TXNRD2: variants seen among roughly 807,000 people sequenced by gnomAD.
The protein encoded by TXNRD2 is thioredoxin reductase 2, also known as thioredoxin reductase 2, mitochondrial.
TXNRD2 carries 67 observed loss-of-function variants against 70.8 expected under a neutral mutation model. The ratio of observed to expected loss-of-function variants is 0.95; its 90% confidence interval spans 0.78 to 1.16. The LOEUF (loss-of-function observed/expected upper bound fraction) is 1.16. TXNRD2 is among the 50% of genes most tolerant of loss of function. TXNRD2 has a pLI of 0.00. For missense variants in TXNRD2, 644 were observed against 719.9 expected, an observed-to-expected ratio of 0.89 and a Z score of 1.21; for synonymous variants, 301 against 295.8, an observed-to-expected ratio of 1.02 and a Z score of -0.18.
At chr22:19,934,566 CTTTTT>C (rs199827549) in intron 1 of TXNRD2, among the ~76,000 whole-genome samples, 2 of 141,892 alleles carry the variant, frequency 1.4e-5, no homozygotes, top group Admixed American at 1.4e-4. Flanking sequence ...ATACTTTTTT[CTTTTT>C]TTTTTTTTTG....
intron 8 of TXNRD2, among the ~76,000 whole-genome samples, chr22:19,906,637 G>C (rs1241519150): frequency 1.3e-5 from 2 of 151,512 alleles, no homozygotes; most frequent in Non-Finnish European, 2.9e-5. Context: ...TAAAAAAACA[G>C]ATAACCCAGA....
At chr22:19,915,880 T>G (rs1318533159) in intron 5 of TXNRD2, 37 bp from the exon 6 acceptor site, 3 of 1,586,210 alleles carry the variant, frequency 1.9e-6, no homozygotes, top group Non-Finnish European at 2.6e-6. Flanking sequence ...ACACTTCCTC[T>G]GCAAATTAAA....
chr22:19,920,619 C>G (rs1210620552), intron 2 of TXNRD2, among the ~76,000 whole-genome samples: 1 of 151,368 alleles, frequency 6.6e-6, no homozygotes, highest in Non-Finnish European at 1.5e-5. Context: ...AAAACATTAG[C>G]TAGGGCTAAT....
At position 19,919,559 on chromosome 22, in the gene TXNRD2, C is replaced by T. The variant is rs1329615310; in HGVS notation, c.213G>A (p.Val71=). 3.8e-6 allele frequency: 6 copies of T among 1,562,718 alleles called. No individual in the cohort carries two copies. Among genetic ancestry groups the T allele is most frequent in the South Asian group, 1.2e-5 (1 of 84,598 alleles). Residue 71 remains valine, a synonymous_variant, in exon 3 of 18, where the codon GTG becomes GTA. Coordinates refer to ENST00000400521, the MANE Select transcript of TXNRD2 (RefSeq NM_006440.5). The part of the protein sequence containing the change: ...LGRKVAVVDY[V]EPSPQGTRWG... ...GCTGCCTACCTTGGGGAGAAGGTTC[C>T]ACGTAGTCCACCACGGCCACCTTCC... is the stretch of plus-strand genomic sequence containing the variant.
chr22:19,897,952 C>T, intron 10 of TXNRD2, 87 bp downstream of exon 10: 1 of 1,086,772 alleles, frequency 9.2e-7, no homozygotes, highest in African/African-American at 1.6e-5. Context: ...ACTCGTGGCC[C>T]ATGACTGCAC....
intron 1 of TXNRD2, among the ~76,000 whole-genome samples, chr22:19,940,144 C>A (rs1941654364): frequency 6.8e-6 from 1 of 146,230 alleles, no homozygotes. Context: ...ACTCGGGAGG[C>A]TGAGGCAGGA....
At chr22:19,912,316 G>C (rs7410379) in intron 7 of TXNRD2, among the ~76,000 whole-genome samples, 61 of 152,222 alleles carry the variant, frequency 4.0e-4, no homozygotes, top group African/African-American at 1.4e-3. Flanking sequence ...CAATCAAAGG[G>C]ACTAAAACGC....
intron 1 of TXNRD2, among the ~76,000 whole-genome samples, chr22:19,935,281 G>T (rs1049141065): frequency 6.6e-6 from 1 of 152,174 alleles, no homozygotes; most frequent in African/African-American, 2.4e-5. Flanking sequence ...ATGCGGTTGA[G>T]ATAAGGACTG....
intron 11 of TXNRD2, among the ~76,000 whole-genome samples, chr22:19,890,706 G>A (rs1254898465): frequency 1.3e-5 from 2 of 152,212 alleles, no homozygotes. Context: ...TCCCCAGCTT[G>A]GTTCTTGCTT....
intron 2 of TXNRD2, among the ~76,000 whole-genome samples, chr22:19,927,314 C>G (rs1050261443): frequency 4.0e-5 from 6 of 151,800 alleles, no homozygotes; most frequent in Non-Finnish European, 7.4e-5. Context: ...TATATATTAT[C>G]TCTCCATATC....
chr22:19,909,610 CA>C (rs1251576953), intron 8 of TXNRD2, among the ~76,000 whole-genome samples: 9,503 of 123,762 alleles, frequency 0.077, 475 homozygotes, highest in East Asian at 0.15. Flanking sequence ...CTCACACACA[CA>C]CACCACACAC....
At position 19,916,055 on chromosome 22, in the gene TXNRD2, ATG is replaced by A. The variant is rs150892214; in HGVS notation, c.450-214_450-213del. The A allele has an allele frequency of 9.6e-4, 537 of 560,924 alleles. 3 individuals are homozygous for A. The highest frequency in any genetic ancestry group is 9.1e-3 in the African/African-American group (485 of 53,064). The allele number at this position is 560,924 out of a possible 1,614,324, so 34.7% of individuals were successfully genotyped here. ...CCTGTCCCCCAGGGATCCCAGGGAC[ATG>A]TTAACCACAGGTGTCAAAGCAGGGA... On this transcript the variant is annotated intron_variant, in intron 5 of 17. Coordinates refer to ENST00000400521, the MANE Select transcript of TXNRD2 (RefSeq NM_006440.5).
At chr22:19,928,507 T>C (rs1464238571) in intron 2 of TXNRD2, among the ~76,000 whole-genome samples, 1 of 152,110 alleles carries the variant, frequency 6.6e-6, no homozygotes, top group Non-Finnish European at 1.5e-5. Context: ...TATACGCAAT[T>C]ATAGAAAATG....
rs1158625236 is a variant in TXNRD2 at position 19,941,687 on chromosome 22, C to T, written c.103+14G>A. 2.7e-6 allele frequency: 4 copies of T among 1,476,734 alleles called. No homozygotes were observed. Among genetic ancestry groups the T allele is most frequent in the African/African-American group, 1.5e-5 (1 of 67,982 alleles). 91.5% of individuals were successfully genotyped at this position (1,476,734 alleles called of 1,614,324 possible). On this transcript the variant is annotated intron_variant, in intron 1 of 17. Transcript: ENST00000400521. ...GCGGACACCTACCGCGGGGACGCCC[C>T]GACCCCATCCTACCTGCTGCGCCCC...
At chr22:19,918,664 C>G (rs1940746341) in intron 4 of TXNRD2, among the ~76,000 whole-genome samples, 196 bp downstream of exon 4, 1 of 152,216 alleles carries the variant, frequency 6.6e-6, no homozygotes, top group Admixed American at 6.5e-5. Flanking sequence ...GGGGAGCAAA[C>G]CCTTCCCCAG....
chr22:19,917,199 C>T (rs561812232), intron 5 of TXNRD2, among the ~76,000 whole-genome samples: 2 of 152,182 alleles, frequency 1.3e-5, no homozygotes, highest in Non-Finnish European at 2.9e-5. Context: ...AGGCAGTGGG[C>T]TGGGCCTGTT....
At chr22:19,934,240 G>A (rs1321484842) in intron 1 of TXNRD2, among the ~76,000 whole-genome samples, 1 of 152,156 alleles carries the variant, frequency 6.6e-6, no homozygotes, top group South Asian at 2.1e-4. Context: ...TACTCTAAAA[G>A]GAGAAACTGC....
intron 5 of TXNRD2, among the ~76,000 whole-genome samples, chr22:19,916,833 T>C (rs1569099985): frequency 6.6e-6 from 1 of 151,844 alleles, no homozygotes. Context: ...GGTCTCCAAC[T>C]CCTGGGCTCA....
At chr22:19,938,652 CT>C (rs1289222113) in intron 1 of TXNRD2, among the ~76,000 whole-genome samples, 1 of 152,144 alleles carries the variant, frequency 6.6e-6, no homozygotes, top group Non-Finnish European at 1.5e-5. Context: ...ACAATTCAGC[CT>C]TATATCATGC....
Sources: allele counts gnomAD v4.1 joint callset (sites outside exome capture counted in the v4.1 genomes callset), GRCh38; gene constraint gnomAD v4.1.1; transcripts MANE v1.5; gene names NCBI Gene and HGNC (gene_info 2026-07-23, HGNC 2026-07-21).